WWOX: variants seen among roughly 807,000 people sequenced by gnomAD.
WWOX encodes WW domain-containing oxidoreductase.
Under a neutral mutation model 46.2 loss-of-function variants are expected in WWOX, and 69 were observed. The ratio of observed to expected loss-of-function variants is 1.49; its 90% CI spans 1.23 to 1.82. The LOEUF is 1.82. Among genes scored for constraint, WWOX ranks in the 40% most tolerant of loss-of-function variants. The pLI, the probability that WWOX is intolerant of heterozygous loss-of-function variation, is 0.00. For synonymous variants in WWOX, 359 were observed against 202.6 expected, an observed-to-expected ratio of 1.77 and a Z score of -6.56; for missense variants, 919 against 542.6, an observed-to-expected ratio of 1.69 and a Z score of -6.89.
intron 5 of WWOX, among the ~76,000 whole-genome samples, chr16:78,291,191 C>T (rs189835405): frequency 2.6e-5 from 4 of 152,120 alleles, no homozygotes; most frequent in African/African-American, 9.7e-5. Context: ...TTTTATCTGA[C>T]ATTTGAAGAA....
intron 8 of WWOX, among the ~76,000 whole-genome samples, chr16:78,906,028 T>C (rs10431970): frequency 0.52 from 78,454 of 151,554 alleles, 20,444 homozygotes; most frequent in East Asian, 0.68. Context: ...AATGCAATGA[T>C]GGATGAATGA....
chr16:78,278,742 G>A, intron 5 of WWOX: 1 of 1,287,972 alleles, frequency 7.8e-7, no homozygotes, highest in Non-Finnish European at 1.1e-6. Flanking sequence ...TTCATGTTTT[G>A]ACTTCTATCT....
intron 8 of WWOX, among the ~76,000 whole-genome samples, chr16:78,963,082 C>T (rs754750223): frequency 3.9e-5 from 6 of 152,128 alleles, no homozygotes; most frequent in African/African-American, 1.4e-4. Flanking sequence ...ATATGCACCA[C>T]CTAGATTCTA....
chr16:79,013,778 T>G (rs2047359615), intron 8 of WWOX, among the ~76,000 whole-genome samples: 1 of 152,230 alleles, frequency 6.6e-6, no homozygotes, highest in Non-Finnish European at 1.5e-5. Flanking sequence ...GTCTCATTTC[T>G]TCTTATTTTT....
intron 8 of WWOX, among the ~76,000 whole-genome samples, chr16:79,190,678 G>A (rs974703077): frequency 6.6e-6 from 1 of 152,166 alleles, no homozygotes; most frequent in Non-Finnish European, 1.5e-5. Flanking sequence ...GGTAGAAGAG[G>A]GCTCTGCCAA....
intron 5 of WWOX, among the ~76,000 whole-genome samples, chr16:78,345,280 A>T (rs2081074219): frequency 8.8e-6 from 1 of 113,500 alleles, no homozygotes; most frequent in Non-Finnish European, 2.1e-5. Flanking sequence ...CTTCAATCTT[A>T]TTTAATGGCA....
At chr16:78,634,837 A>AGAGAGAGAGTGT (rs1346762709) in intron 8 of WWOX, among the ~76,000 whole-genome samples, 2,399 of 111,630 alleles carry the variant, frequency 0.021, 29 homozygotes, top group Non-Finnish European at 0.035. Flanking sequence ...AGAGAGAGAG[A>AGAGAGAGAGTGT]GTGTGTGTGT....
chr16:78,910,383 A>G (rs1162663491), intron 8 of WWOX, among the ~76,000 whole-genome samples: 1 of 152,024 alleles, frequency 6.6e-6, no homozygotes, highest in Admixed American at 6.6e-5. Flanking sequence ...ATGTGCAAGA[A>G]TTAAGCTTTT....
At chr16:79,177,433 AC>A (rs1831243685) in intron 8 of WWOX, among the ~76,000 whole-genome samples, 1 of 152,066 alleles carries the variant, frequency 6.6e-6, no homozygotes, top group African/African-American at 2.4e-5. Context: ...GCTTTTACAC[AC>A]TTCCGCTAAC....
chr16:79,161,601 T>C (rs1436844286), intron 8 of WWOX, among the ~76,000 whole-genome samples: 3 of 152,288 alleles, frequency 2.0e-5, no homozygotes, highest in Non-Finnish European at 2.9e-5. Flanking sequence ...TGGCTCACTG[T>C]AGCTGCTGTC....
chr16:78,747,114 CCTATAT>C (rs1388306027), intron 8 of WWOX, among the ~76,000 whole-genome samples: 1 of 152,064 alleles, frequency 6.6e-6, no homozygotes, highest in Non-Finnish European at 1.5e-5. Context: ...ACCCACAGAG[CCTATAT>C]CTGCTTCAAG....
At chr16:78,479,279 T>TTG (rs2084431333) in intron 8 of WWOX, among the ~76,000 whole-genome samples, 1 of 152,198 alleles carries the variant, frequency 6.6e-6, no homozygotes, top group Admixed American at 6.5e-5. Context: ...GGATATGAAT[T>TTG]TGTATCAGTC....
rs921127100 is a variant in WWOX, at chr16:79,066,059, A to G, written c.1057-145549A>G. Among the ~76,000 whole-genome samples the G allele has an allele frequency of 5.3e-5, 8 of 152,156 alleles. No individual in the cohort carries two copies. In the South Asian group the frequency reaches 1.5e-3, roughly 28 times the overall value. ...ATCATGATCTGTGGAGCCTTTGATAATCGCAGCCTCCAGCTTCTCCTTCAC... is the reference window on the plus strand; with the variant it reads ...ATCATGATCTGTGGAGCCTTTGATAGTCGCAGCCTCCAGCTTCTCCTTCAC... On this transcript the variant is annotated intron_variant, in intron 8 of 8. Coordinates refer to ENST00000566780, the MANE Select transcript of WWOX (RefSeq NM_016373.4).
At position 78,456,356 on chromosome 16, in the gene WWOX, T is replaced by A. The variant is rs184240224; in HGVS notation, c.1056+23604T>A. ...AGAGAAGAAAATAGTCCTAATGTTG[T>A]ACAAGTAGCAATGGAAACAAACTTG... On this transcript the variant is annotated intron_variant, in intron 8 of 8. Coordinates refer to ENST00000566780, the MANE Select transcript of WWOX (RefSeq NM_016373.4). Among the ~76,000 whole-genome samples, 5 of 152,112 alleles carry A rather than the reference T, an allele frequency of 3.3e-5. No individual in the cohort carries two copies. In the East Asian group the frequency reaches 9.7e-4, roughly 29 times the overall value.
intron 5 of WWOX, among the ~76,000 whole-genome samples, chr16:78,172,165 A>G (rs2035183917): frequency 6.6e-6 from 1 of 152,112 alleles, no homozygotes; most frequent in African/African-American, 2.4e-5. Context: ...CATTATTTGC[A>G]TTTATTTGTA....
chr16:79,123,321 G>A (rs767899287), intron 8 of WWOX, among the ~76,000 whole-genome samples: 7 of 152,122 alleles, frequency 4.6e-5, no homozygotes, highest in Non-Finnish European at 7.3e-5. Flanking sequence ...ACGTAGGCGT[G>A]ATCAGGCCCA....
intron 8 of WWOX, among the ~76,000 whole-genome samples, chr16:78,956,892 C>T (rs1174393741): frequency 6.6e-6 from 1 of 152,126 alleles, no homozygotes; most frequent in East Asian, 1.9e-4. Flanking sequence ...ACTCAAAATT[C>T]TGGGAAATAG....
intron 4 of WWOX, among the ~76,000 whole-genome samples, chr16:78,139,019 C>T (rs987491667): frequency 1.3e-5 from 2 of 152,040 alleles, no homozygotes; most frequent in Admixed American, 6.5e-5. Flanking sequence ...AAGAAAGGTA[C>T]ACAGTCCCAC....
chr16:79,167,352 A>G (rs771286025), intron 8 of WWOX, among the ~76,000 whole-genome samples: 5 of 152,174 alleles, frequency 3.3e-5, no homozygotes, highest in Non-Finnish European at 5.9e-5. Flanking sequence ...TATAAGTGTG[A>G]TTATTATATT....
Sources: gnomAD v4.1 joint callset for allele counts (sites outside exome capture counted in the v4.1 genomes callset) on GRCh38, gnomAD v4.1.1 for gene constraint, MANE v1.5 for transcripts, NCBI Gene and HGNC (gene_info 2026-07-23, HGNC 2026-07-21) for gene names.